The following PAMR1 variants were observed in gnomAD, a reference collection of about 807,000 sequenced individuals.
The protein encoded by PAMR1 is inactive serine protease PAMR1.
A neutral mutation model predicts 81.8 loss-of-function variants in PAMR1; 88 were observed. That is an observed-to-expected ratio of 1.08 (90% CI 0.91 to 1.28). The LOEUF is 1.28. Ranked by LOEUF, PAMR1 falls within the 50% of genes most tolerant of loss-of-function variation. The probability of loss-of-function intolerance (pLI) is 0.00; values close to 1 mark genes in which losing one functional copy is unlikely to be tolerated. For synonymous variants in PAMR1, 336 were observed against 345.3 expected (o/e 0.97, Z 0.30); for missense variants, 935 against 919.7 (o/e 1.02, Z -0.21).
rs565608031 is a variant in PAMR1 at position 35,458,300 on chromosome 11, C to T, written c.820+9701G>A. 1.2e-4 allele frequency among the ~76,000 whole-genome samples: 19 copies of T among 152,258 alleles called. No individual in the cohort carries two copies. The South Asian group carries it at 3.7e-3, about 30-fold the overall frequency. On this transcript the variant is annotated intron_variant, in intron 6 of 10. Coordinates refer to ENST00000619888, the MANE Select transcript of PAMR1 (RefSeq NM_001001991.3). Reference sequence around the variant, plus strand: ...TCATTCACTTTCTTTTAATCTCTATCCCATCTAATGCTCTATTTTTTTATT... The same window carrying T: ...TCATTCACTTTCTTTTAATCTCTATTCCATCTAATGCTCTATTTTTTTATT...
At chr11:35,462,964 T>C (rs957622131) in intron 6 of PAMR1, among the ~76,000 whole-genome samples, 1 of 152,166 alleles carries the variant, frequency 6.6e-6, no homozygotes, top group Non-Finnish European at 1.5e-5. Context: ...AAAAAGGCAG[T>C]AAAAATTCCA....
rs1211861606 is a variant in PAMR1, at chr11:35,431,936, C to T, written c.*420G>A. On this transcript the variant is annotated 3_prime_UTR_variant, in exon 11 of 11. Transcript: ENST00000619888. ...ATGTACACAAAGGCATGCACCACAT[C>T]CCAGCTCTGCTGCCCTGGGCTGTCC... is the stretch of plus-strand genomic sequence containing the variant. 5.0e-6 allele frequency: 1 copy of T among 200,282 alleles called. No individual in the cohort carries two copies. The highest frequency in any genetic ancestry group is 1.0e-5 in the Non-Finnish European group (1 of 98,032). The allele number at this position is 200,282 out of a possible 1,614,324, so 12.4% of individuals were successfully genotyped here.
In PAMR1 at chr11:35,449,001, C is replaced by T. The variant is rs1034104395; in HGVS notation, c.821-7308G>A. ...GGCTGCAGCAAAGCAAAGATGGCTG[C>T]CTGCTCCTTCCTCCAGGAGCTCCAT... is the stretch of plus-strand genomic sequence containing the variant. On this transcript the variant is annotated intron_variant, in intron 6 of 10. Transcript: ENST00000619888. 4.1e-4 allele frequency among the ~76,000 whole-genome samples: 62 copies of T among 152,354 alleles called. 1 individual carries two copies. The highest frequency in any genetic ancestry group is 3.4e-3 in the Middle Eastern group (1 of 294).
chr11:35,447,299 T>C (rs1247093116), intron 6 of PAMR1, among the ~76,000 whole-genome samples: 1 of 150,822 alleles, frequency 6.6e-6, no homozygotes, highest in African/African-American at 2.4e-5. Context: ...GCCTCCCAGG[T>C]TCATGCCATT....
chr11:35,499,787 C>T (rs1157683384), intron 1 of PAMR1, among the ~76,000 whole-genome samples: 1 of 152,152 alleles, frequency 6.6e-6, no homozygotes, highest in East Asian at 1.9e-4. Flanking sequence ...AGGTAAGATC[C>T]ATCTCAGTCT....
At chr11:35,466,879 T>C (rs1488764417) in intron 6 of PAMR1, among the ~76,000 whole-genome samples, 1 of 152,134 alleles carries the variant, frequency 6.6e-6, no homozygotes, top group East Asian at 1.9e-4. Flanking sequence ...TTGTTGGTGC[T>C]CTGCCCTCGG....
At chr11:35,497,423 A>G (rs1850747758) in intron 1 of PAMR1, among the ~76,000 whole-genome samples, 1 of 152,236 alleles carries the variant, frequency 6.6e-6, no homozygotes. Context: ...AGCTGGGGGA[A>G]AGCTGAATGG....
chr11:35,462,250 A>C (rs1022821951), intron 6 of PAMR1, among the ~76,000 whole-genome samples: 2 of 151,862 alleles, frequency 1.3e-5, no homozygotes, highest in Middle Eastern at 3.2e-3. Flanking sequence ...CCCCATCATT[A>C]CTCTATTTGT....
At chr11:35,519,391 C>T (rs1297655442) in intron 1 of PAMR1, among the ~76,000 whole-genome samples, 3 of 151,844 alleles carry the variant, frequency 2.0e-5, no homozygotes, top group Non-Finnish European at 4.4e-5. Flanking sequence ...TTACACAGAA[C>T]ACATCCATAA....
intron 1 of PAMR1, among the ~76,000 whole-genome samples, chr11:35,503,951 A>G (rs1339744008): frequency 1.3e-5 from 2 of 152,102 alleles, no homozygotes; most frequent in African/African-American, 4.8e-5. Flanking sequence ...CTTGTTCCCA[A>G]TCTTAGAGGG....
intron 6 of PAMR1, chr11:35,453,257 C>T (rs1856456974): frequency 6.6e-6 from 1 of 152,150 alleles, no homozygotes; most frequent in South Asian, 2.1e-4. Context: ...AAAGAAAACC[C>T]CACAGGGAAG....
intron 1 of PAMR1, among the ~76,000 whole-genome samples, chr11:35,514,311 G>A (rs917230720): frequency 4.6e-5 from 7 of 152,200 alleles, no homozygotes; most frequent in South Asian, 2.1e-4. Flanking sequence ...CGAAGGAGGC[G>A]AGATGTAATG....
At chr11:35,505,021 C>T (rs1474620340) in intron 1 of PAMR1, among the ~76,000 whole-genome samples, 1 of 151,898 alleles carries the variant, frequency 6.6e-6, no homozygotes, top group Non-Finnish European at 1.5e-5. Context: ...ACTATTTTTG[C>T]TGTACCCCAT....
chr11:35,435,654 G>C (rs547745196), intron 9 of PAMR1, among the ~76,000 whole-genome samples: 3 of 152,050 alleles, frequency 2.0e-5, no homozygotes, highest in African/African-American at 7.2e-5. Context: ...GTGACTTAAT[G>C]ACCATTTTTT....
rs148840286 is a variant in PAMR1, at chr11:35,472,170, C to T, written c.495-1352G>A. Among the ~76,000 whole-genome samples the T allele has an allele frequency of 3.4e-3, 515 of 152,302 alleles. 1 individual carries two copies. The highest frequency in any genetic ancestry group is 0.011 in the African/African-American group (470 of 41,552). ...TAACATCTAAGAGGACAGCTGATTT[C>T]TTATGCAGATGCCACCATGCACTCA... On this transcript the variant is annotated intron_variant, in intron 4 of 10. Transcript: ENST00000619888.
At chr11:35,443,348 T>A (rs1004604702) in intron 6 of PAMR1, among the ~76,000 whole-genome samples, 2 of 152,166 alleles carry the variant, frequency 1.3e-5, no homozygotes, top group African/African-American at 4.8e-5. Context: ...TTTATCCTGA[T>A]GCTCTCCCTC....
intron 1 of PAMR1, among the ~76,000 whole-genome samples, chr11:35,507,167 C>T (rs562854142): frequency 6.6e-6 from 1 of 151,604 alleles, no homozygotes; most frequent in East Asian, 1.9e-4. Flanking sequence ...CTGCCTCAGC[C>T]TTCCCAAGTA....
At chr11:35,471,861 T>TCCTCC (rs1850194316) in intron 4 of PAMR1, among the ~76,000 whole-genome samples, 1 of 152,016 alleles carries the variant, frequency 6.6e-6, no homozygotes. Flanking sequence ...CTGTACCTTC[T>TCCTCC]CCTCCACACT....
chr11:35,445,625 G>A (rs1293246184), intron 6 of PAMR1, among the ~76,000 whole-genome samples: 1 of 152,166 alleles, frequency 6.6e-6, no homozygotes, highest in Non-Finnish European at 1.5e-5. Context: ...TTTATGTGAT[G>A]AATTATGTTT....
Sources: gnomAD v4.1 joint callset for allele counts (sites outside exome capture counted in the v4.1 genomes callset) on GRCh38, gnomAD v4.1.1 for gene constraint, MANE v1.5 for transcripts, NCBI Gene and HGNC (gene_info 2026-07-23, HGNC 2026-07-21) for gene names.